ANKMY2: variants seen among roughly 807,000 people sequenced by gnomAD.
ANKMY2 encodes ankyrin repeat and MYND domain containing 2, also known as ankyrin repeat and MYND domain-containing protein 2.
Under a neutral mutation model 50.4 loss-of-function variants are expected in ANKMY2, and 36 were observed. The ratio of observed to expected loss-of-function variants is 0.71; its 90% CI spans 0.55 to 0.94. The LOEUF (loss-of-function observed/expected upper bound fraction) is 0.94. ANKMY2 is among the 40% of genes least tolerant of loss of function. ANKMY2 has a pLI of 0.00. For synonymous variants in ANKMY2, 187 were observed against 178.8 expected, an observed-to-expected ratio of 1.05 and a Z score of -0.36; for missense variants, 565 against 524.0, an observed-to-expected ratio of 1.08 and a Z score of -0.76.
rs1554400555 is a variant in ANKMY2 at position 16,609,717 on chromosome 7, C to G, written c.795G>C (p.Lys265Asn). ...ATTTTCTGATACTTTCTCTAATGAT[C>G]TTTTCTTGATACACTGGAAAGCCAT... Reference protein sequence around the residue: ...ASDGFPVYQEKIIRESIRKFP... With the variant: ...ASDGFPVYQENIIRESIRKFP... The change falls in exon 7 of 10, where the codon AAG (lysine) becomes AAC (asparagine). Residue 265 changes from lysine to asparagine, a missense_variant. Lys to Asn is a moderately conservative substitution (Grantham distance 94). Coordinates refer to ENST00000306999, the MANE Select transcript of ANKMY2 (RefSeq NM_020319.3). The G allele has an allele frequency of 6.2e-7, 1 of 1,611,632 alleles. No individual in the cohort carries two copies. The highest frequency in any genetic ancestry group is 8.5e-7 in the Non-Finnish European group (1 of 1,179,350).
intron 1 of ANKMY2, among the ~76,000 whole-genome samples, chr7:16,637,752 G>A (rs73312710): frequency 0.012 from 1,821 of 152,192 alleles, 38 homozygotes; most frequent in African/African-American, 0.041. Flanking sequence ...CAAAAACCCC[G>A]CACCCCAGTT....
rs780533044 is a variant in ANKMY2 at position 16,617,917 on chromosome 7, GTT to G, written c.371-2015_371-2014del. Among the ~76,000 whole-genome samples, 797 of 110,802 alleles carry G rather than the reference GTT, an allele frequency of 7.2e-3. 5 individuals are homozygous for G. Among genetic ancestry groups the G allele is most frequent in the African/African-American group, 0.025 (712 of 28,468 alleles). 72.7% of individuals were successfully genotyped at this position (110,802 alleles called of 152,430 possible). ...AGGAGTTGGAGGCTACAGTGAGCGT[GTT>G]TTTTTTTTTTTTTTTTTTTTTTGGG... On this transcript the variant is annotated intron_variant, in intron 4 of 9. Coordinates refer to ENST00000306999, the MANE Select transcript of ANKMY2 (RefSeq NM_020319.3).
intron 2 of ANKMY2, among the ~76,000 whole-genome samples, chr7:16,632,052 C>T (rs1261126263): frequency 1.3e-5 from 2 of 149,738 alleles, no homozygotes; most frequent in Non-Finnish European, 1.5e-5. Context: ...TTTCTTTCTC[C>T]CTCCCTCCCT....
intron 1 of ANKMY2, 61 bp downstream of exon 1, chr7:16,645,446 G>A (rs1001645908): frequency 7.2e-6 from 11 of 1,521,062 alleles, no homozygotes; most frequent in African/African-American, 2.8e-5. Context: ...AGCGCCCCCC[G>A]GGCTCCGCCA....
At position 16,627,194 on chromosome 7, in the gene ANKMY2, G is replaced by A. The variant is rs1399910428; in HGVS notation, c.133-16C>T. 9.1e-6 allele frequency: 14 copies of A among 1,537,446 alleles called. No individual in the cohort carries two copies. The highest frequency in any genetic ancestry group is 7.9e-5 in the Admixed American group (4 of 50,620). Reference sequence around the variant, plus strand: ...TCATTCCATTCTTTAATAGAAAGAGGAAAAAAGTATTAATTTTACTGTTTT... The same window carrying A: ...TCATTCCATTCTTTAATAGAAAGAGAAAAAAAGTATTAATTTTACTGTTTT... On this transcript the variant is annotated splice_polypyrimidine_tract_variant and intron_variant, in intron 2 of 9. Transcript: ENST00000306999.
chr7:16,634,256 A>G (rs534913898), intron 2 of ANKMY2, among the ~76,000 whole-genome samples: 1 of 152,244 alleles, frequency 6.6e-6, no homozygotes, highest in Non-Finnish European at 1.5e-5. Context: ...TTCTTCCTAG[A>G]GTAACAGAAA....
In ANKMY2 at chr7:16,610,620, T is replaced by C. The variant is rs781600954; in HGVS notation, c.675A>G (p.Ile225Met). The change falls in exon 6 of 10, where the codon ATA becomes ATG. Residue 225 changes from isoleucine to methionine, a missense_variant. Transcript: ENST00000306999. Reference sequence around the variant, plus strand: ...TAATGCATTTCTGAAAGATACAGCTTATGTAATGCATCTTCATAGCCAATA... The same window carrying C: ...TAATGCATTTCTGAAAGATACAGCTCATGTAATGCATCTTCATAGCCAATA... ...NEVLAMKMHY[I>M]SCIFQKCINF... The C allele has an allele frequency of 1.2e-6, 2 of 1,614,002 alleles. No individual in the cohort carries two copies.
intron 2 of ANKMY2, among the ~76,000 whole-genome samples, chr7:16,629,287 A>C (rs926885697): frequency 1.3e-5 from 2 of 152,146 alleles, no homozygotes; most frequent in Non-Finnish European, 2.9e-5. Flanking sequence ...TGTAATCCCA[A>C]CACTTTGGGA....
At chr7:16,616,719 C>T (rs1327820579) in intron 4 of ANKMY2, among the ~76,000 whole-genome samples, 1 of 152,252 alleles carries the variant, frequency 6.6e-6, no homozygotes, top group African/African-American at 2.4e-5. Context: ...CTCCGCTCTG[C>T]CTGATGAGGG....
intron 3 of ANKMY2, among the ~76,000 whole-genome samples, chr7:16,625,968 T>C (rs1297199933): frequency 6.7e-6 from 1 of 148,890 alleles, no homozygotes; most frequent in Non-Finnish European, 1.5e-5. Flanking sequence ...TATACTTGAT[T>C]TATAAGAAGT....
rs1297489255 is a variant in ANKMY2, at chr7:16,627,156, T to C, written c.155A>G (p.His52Arg). ...ATCGAGTTTTCCTTTATATGCTGCA[T>C]GCATTAGAGGAGTCATTCCATTCTT... ...LDENGMTPLM[H>R]AAYKGKLDMC... Residue 52 changes from histidine (H) to arginine (R), a missense_variant, in exon 3 of 10, where the codon CAT becomes CGT. Physicochemically the swap from His to Arg is conservative, Grantham distance 29 (BLOSUM62 0). Transcript: ENST00000306999. 6.2e-7 allele frequency: 1 copy of C among 1,601,262 alleles called. No homozygotes were observed. The highest frequency in any genetic ancestry group is 1.1e-5 in the South Asian group (1 of 89,902).
intron 5 of ANKMY2, among the ~76,000 whole-genome samples, chr7:16,611,938 A>G (rs1466268023): frequency 6.6e-6 from 1 of 152,062 alleles, no homozygotes; most frequent in Non-Finnish European, 1.5e-5. Context: ...TAGGGGAACC[A>G]CCCTGCACTG....
At chr7:16,605,610 G>A (rs953435303) in intron 7 of ANKMY2, among the ~76,000 whole-genome samples, 2 of 149,826 alleles carry the variant, frequency 1.3e-5, no homozygotes, top group Admixed American at 6.6e-5. Flanking sequence ...CAATTCTCCT[G>A]CCTCAGCCTC....
intron 4 of ANKMY2, 24 bp from the exon 5 acceptor site, chr7:16,615,928 T>C (rs1763272833): frequency 2.5e-6 from 4 of 1,577,100 alleles, no homozygotes; most frequent in African/African-American, 1.4e-5. Context: ...AATAGAAAAG[T>C]TGTAGTTTTA....
chr7:16,638,155 C>T (rs964396656), intron 1 of ANKMY2, among the ~76,000 whole-genome samples: 5 of 152,228 alleles, frequency 3.3e-5, no homozygotes, highest in African/African-American at 1.2e-4. Flanking sequence ...AAACACCAAG[C>T]AATTCTCCAT....
At chr7:16,643,013 C>T (rs1246709327) in intron 1 of ANKMY2, among the ~76,000 whole-genome samples, 1 of 152,216 alleles carries the variant, frequency 6.6e-6, no homozygotes, top group Non-Finnish European at 1.5e-5. Flanking sequence ...CCCAGTTCCT[C>T]AGTTGCCTTG....
intron 7 of ANKMY2, among the ~76,000 whole-genome samples, chr7:16,609,063 C>T (rs1781204463): frequency 6.6e-6 from 1 of 152,064 alleles, no homozygotes; most frequent in African/African-American, 2.4e-5. Flanking sequence ...ATTTAAATAA[C>T]AGATAAAGTT....
intron 8 of ANKMY2, 43 bp from the exon 9 acceptor site, chr7:16,602,552 T>A: frequency 6.3e-7 from 1 of 1,588,820 alleles, no homozygotes; most frequent in Non-Finnish European, 8.5e-7. Context: ...AGAGCTTGGG[T>A]TGTATGATTT....
intron 2 of ANKMY2, among the ~76,000 whole-genome samples, chr7:16,631,717 C>T (rs1307246340): frequency 2.6e-5 from 4 of 151,688 alleles, no homozygotes; most frequent in Non-Finnish European, 4.4e-5. Context: ...AGGGTTCAAG[C>T]GATTCTCCTG....
Sources: allele counts gnomAD v4.1 joint callset (sites outside exome capture counted in the v4.1 genomes callset), GRCh38; gene constraint gnomAD v4.1.1; transcripts MANE v1.5; gene names NCBI Gene and HGNC (gene_info 2026-07-23, HGNC 2026-07-21).